Variants in IRAK2 observed in about 807,000 individuals in gnomAD.
IRAK2 encodes interleukin-1 receptor-associated kinase-like 2.
A neutral mutation model predicts 72.0 loss-of-function variants in IRAK2; 57 were observed. The observed-to-expected ratio is 0.79, with a 90% confidence interval of 0.64 to 0.99. The LOEUF is 0.99. IRAK2 is among the 50% of genes least tolerant of loss of function. The probability of loss-of-function intolerance (pLI) is 0.00; values close to 1 mark genes in which losing one functional copy is unlikely to be tolerated. For missense variants in IRAK2, 790 were observed against 794.4 expected, an observed-to-expected ratio of 0.99 and a Z score of 0.07; for synonymous variants, 293 against 312.7, an observed-to-expected ratio of 0.94 and a Z score of 0.67.
At chr3:10,171,029 G>C (rs376934050) in intron 1 of IRAK2, among the ~76,000 whole-genome samples, 21 of 152,332 alleles carry the variant, frequency 1.4e-4, no homozygotes, top group African/African-American at 5.1e-4. Context: ...AGAAGATCCC[G>C]CAGCCACAGA....
At chr3:10,171,970 G>T (rs1415130641) in intron 1 of IRAK2, among the ~76,000 whole-genome samples, 1 of 151,966 alleles carries the variant, frequency 6.6e-6, no homozygotes, top group African/African-American at 2.4e-5. Context: ...GGGCGTAGTG[G>T]CTCACGGCTG....
intron 12 of IRAK2, among the ~76,000 whole-genome samples, chr3:10,241,646 A>G (rs1328506473): frequency 6.6e-6 from 1 of 151,576 alleles, no homozygotes; most frequent in African/African-American, 2.4e-5. Flanking sequence ...CCTGTCTGTA[A>G]TCCTAGGACT....
chr3:10,233,087 T>C (rs922326399), intron 10 of IRAK2, among the ~76,000 whole-genome samples: 2 of 152,134 alleles, frequency 1.3e-5, no homozygotes, highest in Non-Finnish European at 2.9e-5. Flanking sequence ...TCTCACTCTG[T>C]CGCCCAGGCT....
At chr3:10,179,328 G>A (rs1236656281) in intron 2 of IRAK2, among the ~76,000 whole-genome samples, 1 of 149,860 alleles carries the variant, frequency 6.7e-6, no homozygotes, top group East Asian at 2.0e-4. Flanking sequence ...CTGGAGAGCA[G>A]TGGCACGATC....
intron 10 of IRAK2, among the ~76,000 whole-genome samples, chr3:10,227,363 G>A (rs1394014760): frequency 6.6e-6 from 1 of 151,062 alleles, no homozygotes; most frequent in Non-Finnish European, 1.5e-5. Context: ...CAGGAGAATC[G>A]CTTGAACCCA....
intron 2 of IRAK2, among the ~76,000 whole-genome samples, chr3:10,198,055 C>T (rs1264587944): frequency 1.3e-5 from 2 of 151,558 alleles, no homozygotes. Flanking sequence ...AAAAATTAGC[C>T]GGGCGTGCTG....
intron 3 of IRAK2, among the ~76,000 whole-genome samples, chr3:10,204,591 A>T (rs140906361): frequency 1.6e-4 from 25 of 152,210 alleles, no homozygotes; most frequent in African/African-American, 6.0e-4. Context: ...TCTACTAAAA[A>T]TATAAAAATT....
intron 12 of IRAK2, among the ~76,000 whole-genome samples, chr3:10,241,672 G>A (rs930037323): frequency 1.3e-5 from 2 of 151,928 alleles, no homozygotes; most frequent in Admixed American, 6.6e-5. Context: ...AGGCCGAGGC[G>A]GGTGGGTTGC....
chr3:10,169,464 G>T (rs1469980427), intron 1 of IRAK2, among the ~76,000 whole-genome samples: 1 of 152,100 alleles, frequency 6.6e-6, no homozygotes, highest in Non-Finnish European at 1.5e-5. Context: ...CTTCCCCAGG[G>T]TTATCAATTA....
At chr3:10,201,759 T>C (rs367817701) in intron 3 of IRAK2, among the ~76,000 whole-genome samples, 1 of 152,232 alleles carries the variant, frequency 6.6e-6, no homozygotes, top group African/African-American at 2.4e-5. Flanking sequence ...CCTCACCTCC[T>C]GTCTCCTGCG....
chr3:10,175,803 T>C (rs1696863764), intron 1 of IRAK2, among the ~76,000 whole-genome samples: 1 of 142,178 alleles, frequency 7.0e-6, no homozygotes, highest in South Asian at 2.2e-4. Context: ...GGCCGGAGAA[T>C]GGCCTGAACC....
intron 2 of IRAK2, among the ~76,000 whole-genome samples, chr3:10,193,067 A>G (rs898971705): frequency 6.6e-6 from 1 of 152,040 alleles, no homozygotes; most frequent in African/African-American, 2.4e-5. Context: ...TGCAGGACAC[A>G]CTCCAGACTG....
chr3:10,181,375 C>T (rs1202775710), intron 2 of IRAK2, among the ~76,000 whole-genome samples: 18 of 152,024 alleles, frequency 1.2e-4, no homozygotes, highest in Non-Finnish European at 1.9e-4. Context: ...TTTGGGAGGC[C>T]GAGGCGGGTA....
intron 2 of IRAK2, among the ~76,000 whole-genome samples, chr3:10,190,183 C>T (rs929621038): frequency 4.7e-5 from 7 of 149,938 alleles, no homozygotes; most frequent in Non-Finnish European, 1.0e-4. Context: ...TCATCACTTG[C>T]CCCATCTGGA....
chr3:10,186,936 A>T, intron 2 of IRAK2, among the ~76,000 whole-genome samples: 1 of 149,250 alleles, frequency 6.7e-6, no homozygotes. Context: ...AGTAGCTAGG[A>T]CTATAAGTGC....
At chr3:10,222,882 C>A (rs553210717) in intron 9 of IRAK2, 51 bp downstream of exon 9, 3 of 1,496,274 alleles carry the variant, frequency 2.0e-6, no homozygotes, top group African/African-American at 2.7e-5. Context: ...ATTTGTCCTT[C>A]CCACGGCTCC....
Position 10,214,532 on chromosome 3 carries a change from T to C in IRAK2, c.788+984T>C, listed in dbSNP as rs529693692. 9.6e-5 allele frequency among the ~76,000 whole-genome samples: 14 copies of C among 146,376 alleles called. No individual in the cohort carries two copies. In the East Asian group the frequency reaches 2.2e-3, roughly 23 times the overall value. On this transcript the variant is annotated intron_variant, in intron 6 of 12. Coordinates refer to ENST00000256458, the MANE Select transcript of IRAK2 (RefSeq NM_001570.4). Reference sequence around the variant, plus strand: ...AGGTGTGAGCCACTGTGCCCTGCCATGTGTGTGCTTTTTTTTTTTTTAATT... The same window carrying C: ...AGGTGTGAGCCACTGTGCCCTGCCACGTGTGTGCTTTTTTTTTTTTTAATT...
In IRAK2 at chr3:10,224,053, T is replaced by C. The variant is rs1575984690; in HGVS notation, c.1209+1222T>C. On this transcript the variant is annotated intron_variant, in intron 9 of 12. Transcript: ENST00000256458. ...CCTTCTCCTTTAAGAACCAGGGGGA[T>C]GGGCAGGGAGTGGTGGCACATGCCT... Among the ~76,000 whole-genome samples the C allele has an allele frequency of 3.3e-5, 5 of 152,134 alleles. No individual in the cohort carries two copies. In the South Asian group the frequency reaches 1.0e-3, roughly 32 times the overall value.
chr3:10,242,232 C>A lies in IRAK2; in HGVS notation c.*4C>A. ...CATTGAGCTCTTTGGCCCCTGATGACCGGAACACAGCTGAGGACCCTTGTC... is the reference window on the plus strand; with the variant it reads ...CATTGAGCTCTTTGGCCCCTGATGAACGGAACACAGCTGAGGACCCTTGTC... On this transcript the variant is annotated 3_prime_UTR_variant, in exon 13 of 13. Transcript: ENST00000256458. The A allele has an allele frequency of 1.3e-6, 2 of 1,555,692 alleles. No homozygotes were observed. Among genetic ancestry groups the A allele is most frequent in the Non-Finnish European group, 8.9e-7 (1 of 1,128,362 alleles).
Sources: allele counts gnomAD v4.1 joint callset (sites outside exome capture counted in the v4.1 genomes callset), GRCh38; gene constraint gnomAD v4.1.1; transcripts MANE v1.5; gene names NCBI Gene and HGNC (gene_info 2026-07-23, HGNC 2026-07-21).